Variants in DHTKD1 observed in about 807,000 individuals in gnomAD.
DHTKD1 encodes dehydrogenase E1 and transketolase domain containing 1, also known as 2-oxoadipate dehydrogenase complex component E1.
A neutral mutation model predicts 101.8 loss-of-function variants in DHTKD1; 78 were observed. The ratio of observed to expected loss-of-function variants is 0.77; its 90% CI spans 0.64 to 0.93. DHTKD1 has a LOEUF of 0.93. Among genes scored for constraint, DHTKD1 ranks in the 40% least tolerant of loss-of-function variants. The pLI is 0.00. For synonymous variants in DHTKD1, 462 were observed against 450.3 expected, an observed-to-expected ratio of 1.03 and a Z score of -0.33; for missense variants, 1,223 against 1,161.7, an observed-to-expected ratio of 1.05 and a Z score of -0.77.
rs1409120999 is a variant in DHTKD1 at position 12,089,132 on chromosome 10, G to T, written c.864G>T (p.Ser288=). The T allele has an allele frequency of 6.2e-7, 1 of 1,613,972 alleles. No homozygotes were observed. Among genetic ancestry groups the T allele is most frequent in the Admixed American group, 1.7e-5 (1 of 59,954 alleles). Residue 288 remains serine (S), a synonymous_variant, in exon 5 of 17, where the codon TCG becomes TCT. Transcript: ENST00000263035. ...ATGTGACAATGTTGCCCAATCCCTC[G>T]CACCTGGAGGCCGTCAACCCCGTGG... ...PLHVTMLPNP[S]HLEAVNPVAV...
At chr10:12,106,839 A>G (rs1308005198) in intron 11 of DHTKD1, among the ~76,000 whole-genome samples, 1 of 152,158 alleles carries the variant, frequency 6.6e-6, no homozygotes, top group Admixed American at 6.6e-5. Context: ...CTTCTCTGTA[A>G]CATTTTCACT....
intron 7 of DHTKD1, 112 bp from the exon 8 acceptor site, chr10:12,097,572 C>T (rs372921699): frequency 2.5e-5 from 23 of 934,576 alleles, no homozygotes; most frequent in Admixed American, 1.1e-4. Flanking sequence ...CTGCACCTGT[C>T]GAATGCCTTT....
In DHTKD1 at chr10:12,103,718, G is replaced by A. The variant is rs1169114421; in HGVS notation, c.1897-2528G>A. Among the ~76,000 whole-genome samples, 1 of 152,126 alleles carries A rather than the reference G, an allele frequency of 6.6e-6. No individual in the cohort carries two copies. The highest frequency in any genetic ancestry group is 2.4e-5 in the African/African-American group (1 of 41,426). Reference sequence around the variant, plus strand: ...TTTGTAGAGATAGGAGTCTCACTGTGATGGCCAGTGTCATCTTGAATTCCT... The same window carrying A: ...TTTGTAGAGATAGGAGTCTCACTGTAATGGCCAGTGTCATCTTGAATTCCT... On this transcript the variant is annotated intron_variant, in intron 10 of 16. Coordinates refer to ENST00000263035, the MANE Select transcript of DHTKD1 (RefSeq NM_018706.7). This position sits in a 1 kb window ranked among gnomAD's most constrained non-coding sequence, Gnocchi z 4.8.
Position 12,123,022 on chromosome 10 carries a change from A to T in DHTKD1, c.*2134A>T, listed in dbSNP as rs1453512550. The T allele has an allele frequency of 1.3e-5, 2 of 152,232 alleles. No homozygotes were observed. The allele number at this position is 152,232 out of a possible 1,614,324, so 9.4% of individuals were successfully genotyped here. A position where few individuals can be genotyped will look rare whatever the true frequency, so the allele number is the denominator to read the frequency against. On this transcript the variant is annotated 3_prime_UTR_variant, in exon 17 of 17. Transcript: ENST00000263035. Reference sequence around the variant, plus strand: ...GAAAGTGTGCCTTAGTTATCAATTTAACATTTCTCTAGTATTCATATCCCT... The same window carrying T: ...GAAAGTGTGCCTTAGTTATCAATTTTACATTTCTCTAGTATTCATATCCCT...
chr10:12,071,976 C>T (rs2131344507), intron 1 of DHTKD1, among the ~76,000 whole-genome samples: 2 of 152,190 alleles, frequency 1.3e-5, no homozygotes, highest in South Asian at 4.1e-4. Context: ...TAAACTATTA[C>T]CGTGTTTTAT....
intron 15 of DHTKD1, 62 bp from the exon 16 acceptor site, chr10:12,120,120 G>A: frequency 7.7e-7 from 1 of 1,297,984 alleles, no homozygotes; most frequent in South Asian, 1.2e-5. Context: ...TGGGATCATA[G>A]TAAATTGGGG....
At position 12,107,227 on chromosome 10, in the gene DHTKD1, C is replaced by CCA. The variant is rs1833263888; in HGVS notation, c.2048-680_2048-679dup. The stretch of plus-strand genomic sequence containing the variant: ...GGTCTCGTTCTCCTGACCTCATGAT[C>CCA]CACCCACCTCAGCCTCCCAAAGTGG... On this transcript the variant is annotated intron_variant, in intron 11 of 16. Transcript: ENST00000263035. This position sits in a 1 kb window ranked among gnomAD's most constrained non-coding sequence, Gnocchi z 4.1. 6.6e-6 allele frequency among the ~76,000 whole-genome samples: 1 copy of CCA among 151,898 alleles called. No homozygotes were observed. Among genetic ancestry groups the CCA allele is most frequent in the South Asian group, 2.1e-4 (1 of 4,816 alleles).
intron 7 of DHTKD1, among the ~76,000 whole-genome samples, chr10:12,096,126 G>A (rs1020377291): frequency 3.3e-5 from 5 of 152,112 alleles, no homozygotes; most frequent in African/African-American, 1.2e-4. Context: ...GTCCCATGGT[G>A]CTGATTCAGA....
At position 12,069,008 on chromosome 10, in the gene DHTKD1, C is replaced by G; in HGVS notation, c.-26C>G. On this transcript the variant is annotated 5_prime_UTR_variant, in exon 1 of 17. Coordinates refer to ENST00000263035, the MANE Select transcript of DHTKD1 (RefSeq NM_018706.7). The stretch of plus-strand genomic sequence containing the variant: ...GGATCCCCTCGGGCTCCCGCCTTAG[C>G]ATGCTGGCCGGGACATCTGGTGAAC... 1 of 1,612,348 alleles carries G rather than the reference C, an allele frequency of 6.2e-7. No individual in the cohort carries two copies. Among genetic ancestry groups the G allele is most frequent in the African/African-American group, 1.3e-5 (1 of 74,904 alleles).
chr10:12,095,755 G>C (rs1308168733), intron 7 of DHTKD1, among the ~76,000 whole-genome samples: 3 of 135,054 alleles, frequency 2.2e-5, no homozygotes, highest in Non-Finnish European at 4.6e-5. Context: ...GGAGCTTGCA[G>C]TGAGCCCAGA....
rs139836411 is a variant in DHTKD1 at position 12,101,054 on chromosome 10, G to A, written c.1769G>A (p.Arg590His). 54 of 1,613,452 alleles carry A rather than the reference G, an allele frequency of 3.3e-5. No homozygotes were observed. The highest frequency in any genetic ancestry group is 4.2e-5 in the Non-Finnish European group (50 of 1,179,910). ...GSLLAQGFNV[R>H]LSGQDVGRGT... is the part of the protein sequence containing the mutation. ...TTGCTTGCTTAAGGTTTTAATGTTC[G>A]TCTAAGTGGCCAAGATGTTGGTCGT... The change falls in exon 10 of 17, where the codon CGT (arginine) becomes CAT (histidine). Residue 590 changes from arginine (R) to histidine (H), a missense_variant. By Grantham distance (29) the Arg-to-His change is conservative. Coordinates refer to ENST00000263035, the MANE Select transcript of DHTKD1 (RefSeq NM_018706.7).
At chr10:12,111,455 C>A (rs536643385) in intron 12 of DHTKD1, among the ~76,000 whole-genome samples, 1 of 152,196 alleles carries the variant, frequency 6.6e-6, no homozygotes, top group Non-Finnish European at 1.5e-5. Flanking sequence ...CATGGGCCAC[C>A]GCGCCAGGCC....
intron 7 of DHTKD1, among the ~76,000 whole-genome samples, chr10:12,095,821 AAAAAAAAAAAAAG>A (rs1264323429): frequency 2.8e-5 from 4 of 140,898 alleles, no homozygotes; most frequent in Non-Finnish European, 6.1e-5. Flanking sequence ...TCAAAAAAAA[AAAAAAAAAAAAAG>A]AAAAGAAAAG....
chr10:12,106,435 C>A, intron 11 of DHTKD1, 39 bp downstream of exon 11: 1 of 1,608,334 alleles, frequency 6.2e-7, no homozygotes, highest in South Asian at 1.1e-5. Context: ...GGTGGGGGTC[C>A]CTGCGTGGCC....
At chr10:12,094,454 A>G (rs1833038403) in intron 7 of DHTKD1, among the ~76,000 whole-genome samples, 183 bp downstream of exon 7, 1 of 151,834 alleles carries the variant, frequency 6.6e-6, no homozygotes. Flanking sequence ...TCTTGCCTCA[A>G]CCTCCCGAGT....
At chr10:12,095,161 T>C (rs993950457) in intron 7 of DHTKD1, among the ~76,000 whole-genome samples, 2 of 152,134 alleles carry the variant, frequency 1.3e-5, no homozygotes, top group African/African-American at 2.4e-5. Context: ...ACTCAGAAGA[T>C]TCTAATGAAT....
chr10:12,091,582 C>T lies in DHTKD1; in HGVS notation c.1057C>T (p.His353Tyr), dbSNP rs1588609501. ...AACATTCACGCTGTCCAATCTCCCA[C>T]ATTTCAGAATTGGTGGGAGTGTGCA... ...PETFTLSNLPHFRIGGSVHLI... is the reference protein window; with the variant it reads ...PETFTLSNLPYFRIGGSVHLI... The change falls in exon 6 of 17, where the codon CAT (histidine) becomes TAT (tyrosine). Residue 353 changes from histidine to tyrosine, a missense_variant. Physicochemically the swap from His to Tyr is moderately conservative, Grantham distance 83. Transcript: ENST00000263035. 6.8e-6 allele frequency: 11 copies of T among 1,613,530 alleles called. No individual in the cohort carries two copies. In the East Asian group the frequency reaches 1.6e-4, roughly 23 times the overall value.
rs770122624 is a variant in DHTKD1, at chr10:12,100,245, G to C, written c.1739G>C (p.Gly580Ala). 6.7e-6 allele frequency: 10 copies of C among 1,492,962 alleles called. No individual in the cohort carries two copies. In the African/African-American group the frequency reaches 8.7e-5, roughly 13 times the overall value. The allele number at this position is 1,492,962 out of a possible 1,614,324, so 92.5% of individuals were successfully genotyped here. A position where few individuals can be genotyped will look rare whatever the true frequency, so the allele number is the denominator to read the frequency against. The change falls in exon 9 of 17, where the codon GGT becomes GCT. Residue 580 changes from glycine (G) to alanine (A), a missense_variant. Gly to Ala is a moderately conservative substitution (Grantham distance 60). Coordinates refer to ENST00000263035, the MANE Select transcript of DHTKD1 (RefSeq NM_018706.7). Reference sequence around the variant, plus strand: ...GCCACCGCGGAAGCTCTTGCCTTGGGTTCTTTACTTGCTCAAGGTAAGAAT... The same window carrying C: ...GCCACCGCGGAAGCTCTTGCCTTGGCTTCTTTACTTGCTCAAGGTAAGAAT... ...DWATAEALAL[G>A]SLLAQGFNVR...
At chr10:12,093,697 C>T (rs973913716) in intron 6 of DHTKD1, among the ~76,000 whole-genome samples, 3 of 152,128 alleles carry the variant, frequency 2.0e-5, no homozygotes, top group Admixed American at 1.3e-4. Flanking sequence ...CCTTTAATGA[C>T]CCTTTTATCT....
Sources: gnomAD v4.1 joint callset for allele counts (sites outside exome capture counted in the v4.1 genomes callset) on GRCh38, gnomAD v4.1.1 for gene constraint, Gnocchi (gnomAD v3.1) non-coding constraint, MANE v1.5 for transcripts, NCBI Gene and HGNC (gene_info 2026-07-23, HGNC 2026-07-21) for gene names.